Variants in DNAAF9 observed in about 807,000 individuals in gnomAD.
DNAAF9 encodes the protein dynein axonemal assembly factor 9, also known as shulin.
Under a neutral mutation model 167.0 loss-of-function variants are expected in DNAAF9, and 90 were observed. That is an observed-to-expected ratio of 0.54 (90% CI 0.45 to 0.64). The LOEUF (loss-of-function observed/expected upper bound fraction) is 0.64. DNAAF9 is among the 30% of genes least tolerant of loss of function. The probability of loss-of-function intolerance (pLI) is 0.00; values close to 1 mark genes in which losing one functional copy is unlikely to be tolerated. For missense variants in DNAAF9, 1,315 were observed against 1,442.2 expected, an observed-to-expected ratio of 0.91 and a Z score of 1.43; for synonymous variants, 491 against 508.8, an observed-to-expected ratio of 0.96 and a Z score of 0.47.
Position 3,255,244 on chromosome 20 carries a change from G to T in DNAAF9, c.3302C>A (p.Thr1101Lys). 1 of 1,550,850 alleles carries T rather than the reference G, an allele frequency of 6.4e-7. No individual in the cohort carries two copies. The highest frequency in any genetic ancestry group is 1.2e-5 in the South Asian group (1 of 84,042). ...GTGGATGCTCCTGATCTCCTGTTGC[G>T]TCAGCATCCCCCTGGTCTTCAGGGC... ...RKALKTRGML[T>K]QQEIRSIHVK... is the part of the protein sequence containing the mutation. The change falls in exon 35 of 37, where the codon ACG becomes AAG. Residue 1101 changes from threonine (T) to lysine (K), a missense_variant. This residue lies in a region of DNAAF9 where 334 missense variants were observed against 429.7 expected (regional missense o/e 0.78). Transcript: ENST00000252032.
Position 3,324,885 on chromosome 20 carries a change from T to C in DNAAF9, c.1265+7A>G, listed in dbSNP as rs756998402. 3 of 1,514,442 alleles carry C rather than the reference T, an allele frequency of 2.0e-6. No individual in the cohort carries two copies. In the East Asian group the frequency reaches 6.8e-5, roughly 34 times the overall value. 93.8% of individuals were successfully genotyped at this position (1,514,442 alleles called of 1,614,324 possible). ...ATTCCTTATAAAAAATATCAGCCAT[T>C]GCTTACCGCAGGGCTGCCTTAAACG... On this transcript the variant is annotated splice_region_variant and intron_variant, in intron 14 of 36. Transcript: ENST00000252032.
At chr20:3,272,682 T>C (rs1370426799) in intron 29 of DNAAF9, among the ~76,000 whole-genome samples, 1 of 152,234 alleles carries the variant, frequency 6.6e-6, no homozygotes, top group Admixed American at 6.5e-5. Context: ...TTTTGTAAAA[T>C]ATAATTTCAT....
rs77379829 is a variant in DNAAF9 at position 3,374,885 on chromosome 20, C to T, written c.505+145G>A. Reference sequence around the variant, plus strand: ...AATACAAGCTTGCACAGAAAAGTCCCCATACTTAATTCTGCTTGATGTCTT... The same window carrying T: ...AATACAAGCTTGCACAGAAAAGTCCTCATACTTAATTCTGCTTGATGTCTT... On this transcript the variant is annotated intron_variant, in intron 5 of 36. Coordinates refer to ENST00000252032, the MANE Select transcript of DNAAF9 (RefSeq NM_001009984.3). The T allele has an allele frequency of 3.5e-3, 2,217 of 628,430 alleles. 44 individuals carry two copies. In the African/African-American group the frequency reaches 0.037, roughly 11 times the overall value. 38.9% of individuals were successfully genotyped at this position (628,430 alleles called of 1,614,324 possible).
intron 14 of DNAAF9, among the ~76,000 whole-genome samples, chr20:3,323,712 A>C (rs1330625885): frequency 2.0e-5 from 3 of 152,114 alleles, no homozygotes; most frequent in African/African-American, 7.2e-5. Context: ...ACCTAGGCCT[A>C]GGAGGCCTTG....
intron 30 of DNAAF9, among the ~76,000 whole-genome samples, chr20:3,267,524 A>G (rs1457849988): frequency 1.4e-5 from 2 of 142,576 alleles, no homozygotes; most frequent in Non-Finnish European, 3.1e-5. Context: ...GGAAAATGGT[A>G]GGAAATATAC....
At chr20:3,290,099 C>T (rs775846011) in intron 26 of DNAAF9, 30 bp downstream of exon 26, 2 of 1,438,656 alleles carry the variant, frequency 1.4e-6, no homozygotes, top group East Asian at 4.5e-5. Flanking sequence ...GAATCCCTTT[C>T]CCCAAAGCAA....
rs2069683916 is a variant in DNAAF9 at position 3,324,918 on chromosome 20, C to G, written c.1239G>C (p.Glu413Asp). 6.2e-7 allele frequency: 1 copy of G among 1,607,524 alleles called. No individual in the cohort carries two copies. Among genetic ancestry groups the G allele is most frequent in the Non-Finnish European group, 8.5e-7 (1 of 1,173,962 alleles). Residue 413 changes from glutamate (E) to aspartate (D), a missense_variant, in exon 14 of 37, where the codon GAG becomes GAC. Glu to Asp is a conservative substitution (Grantham distance 45). Transcript: ENST00000252032. ...GCAGGGCTGCCTTAAACGGAATCAACTCAAAGGAATCTAACCCAGATCCCA... is the reference window on the plus strand; with the variant it reads ...GCAGGGCTGCCTTAAACGGAATCAAGTCAAAGGAATCTAACCCAGATCCCA... ...QTLGSGLDSF[E>D]LIPFKAALRS...
chr20:3,302,234 T>C (rs939612217), intron 21 of DNAAF9, among the ~76,000 whole-genome samples: 2 of 152,134 alleles, frequency 1.3e-5, no homozygotes, highest in Admixed American at 6.6e-5. Context: ...CCACTGTGCC[T>C]AGCCATAAAA....
At chr20:3,266,922 G>A (rs1301079878) in intron 30 of DNAAF9, among the ~76,000 whole-genome samples, 5 of 147,968 alleles carry the variant, frequency 3.4e-5, no homozygotes, top group African/African-American at 1.0e-4. Flanking sequence ...GCGCAATCTC[G>A]GCTCACTGCA....
chr20:3,338,126 CTT>C (rs1435765243), intron 10 of DNAAF9, among the ~76,000 whole-genome samples: 3 of 150,716 alleles, frequency 2.0e-5, no homozygotes, highest in East Asian at 3.9e-4. Flanking sequence ...ATAAAGAACA[CTT>C]AACATTTCTT....
chr20:3,273,949 C>T (rs1183291076), intron 29 of DNAAF9, among the ~76,000 whole-genome samples: 1 of 152,084 alleles, frequency 6.6e-6, no homozygotes, highest in Non-Finnish European at 1.5e-5. Context: ...CACCTTTTCC[C>T]CCCACTTACT....
intron 14 of DNAAF9, among the ~76,000 whole-genome samples, chr20:3,323,844 G>C (rs569440472): frequency 6.6e-6 from 1 of 152,346 alleles, no homozygotes; most frequent in East Asian, 1.9e-4. Flanking sequence ...TGTGACAGCA[G>C]CTAACATCTA....
intron 25 of DNAAF9, among the ~76,000 whole-genome samples, chr20:3,292,071 TTAC>T (rs1179319348): frequency 6.6e-6 from 1 of 151,916 alleles, no homozygotes; most frequent in Admixed American, 6.6e-5. Context: ...CGATCTTGGC[TTAC>T]TACAACCTCC....
At chr20:3,380,759 A>G (rs921934302) in intron 3 of DNAAF9, among the ~76,000 whole-genome samples, 1 of 152,228 alleles carries the variant, frequency 6.6e-6, no homozygotes, top group Non-Finnish European at 1.5e-5. Context: ...CCCATCTGGC[A>G]TACAAGACAT....
chr20:3,289,265 T>C (rs2068906928), intron 26 of DNAAF9, among the ~76,000 whole-genome samples: 1 of 152,168 alleles, frequency 6.6e-6, no homozygotes, highest in African/African-American at 2.4e-5. Context: ...TGCACATGTA[T>C]TCTAAAACTT....
At chr20:3,312,964 T>C (rs1568598069) in intron 20 of DNAAF9, among the ~76,000 whole-genome samples, 1 of 152,230 alleles carries the variant, frequency 6.6e-6, no homozygotes, top group Non-Finnish European at 1.5e-5. Context: ...CAGAAATCCC[T>C]GGCTGTGCCC....
chr20:3,358,366 C>T (rs1490539702), intron 7 of DNAAF9, among the ~76,000 whole-genome samples: 1 of 152,084 alleles, frequency 6.6e-6, no homozygotes, highest in African/African-American at 2.4e-5. Flanking sequence ...TCATTGTAAC[C>T]TCCACCTCCT....
intron 1 of DNAAF9, among the ~76,000 whole-genome samples, chr20:3,397,821 A>G (rs1338455152): frequency 6.6e-6 from 1 of 152,166 alleles, no homozygotes; most frequent in Non-Finnish European, 1.5e-5. Flanking sequence ...TGCATGAAGT[A>G]GTACTGTTGT....
At chr20:3,298,491 T>A (rs988706031) in intron 21 of DNAAF9, among the ~76,000 whole-genome samples, 2 of 152,110 alleles carry the variant, frequency 1.3e-5, no homozygotes. Flanking sequence ...CTAATTTTTT[T>A]AAACTTTCTG....
Sources: allele counts gnomAD v4.1 joint callset (sites outside exome capture counted in the v4.1 genomes callset), GRCh38; gene constraint gnomAD v4.1.1; regional missense constraint gnomAD v4.1.1; transcripts MANE v1.5; gene names NCBI Gene and HGNC (gene_info 2026-07-23, HGNC 2026-07-21).